KIAA1549: variants seen among roughly 807,000 people sequenced by gnomAD.
KIAA1549 encodes the protein UPF0606 protein KIAA1549.
KIAA1549 carries 70 observed loss-of-function variants against 156.4 expected under a neutral mutation model. The observed-to-expected ratio is 0.45, with a 90% CI of 0.37 to 0.55. The LOEUF is 0.55. Ranked by LOEUF, KIAA1549 falls within the 20% of genes least tolerant of loss-of-function variation. KIAA1549 has a pLI of 0.00. For synonymous variants in KIAA1549, 1,103 were observed against 1,066.4 expected (o/e 1.03, Z -0.67); for missense variants, 2,428 against 2,540.9 (o/e 0.96, Z 0.96).
At chr7:138,867,503 C>A (rs1810781725) in intron 15 of KIAA1549, among the ~76,000 whole-genome samples, 1 of 151,642 alleles carries the variant, frequency 6.6e-6, no homozygotes, top group Non-Finnish European at 1.5e-5. Context: ...TACAGTGAGC[C>A]TGGATCACAC....
In KIAA1549 at chr7:138,894,504, C is replaced by A; in HGVS notation, c.3870G>T (p.Pro1290=). 6.2e-7 allele frequency: 1 copy of A among 1,613,970 alleles called. No homozygotes were observed. The change falls in exon 10 of 20, where the codon CCG becomes CCT. Residue 1290 remains proline (P), a synonymous_variant. Coordinates refer to ENST00000422774, the MANE Select transcript of KIAA1549 (RefSeq NM_001164665.2). ...AGTTGTTGCTCTGGGATTCCGGAGA[C>A]GGCCTCTTCACCCTGTCGACAGCTG... ...IAQPVDRVKR[P]SPESQSNNLW...
At chr7:138,883,167 G>C (rs2130411234) in intron 10 of KIAA1549, among the ~76,000 whole-genome samples, 1 of 149,226 alleles carries the variant, frequency 6.7e-6, no homozygotes, top group East Asian at 2.0e-4. Flanking sequence ...CAGCTACTCG[G>C]GAGGGTGAGG....
At chr7:138,884,291 C>A (rs929645398) in intron 10 of KIAA1549, among the ~76,000 whole-genome samples, 2 of 151,780 alleles carry the variant, frequency 1.3e-5, no homozygotes, top group Non-Finnish European at 2.9e-5. Context: ...TGTGCGCTTG[C>A]GCTTTGAAAT....
chr7:138,930,852 A>G (rs371411217), intron 1 of KIAA1549, among the ~76,000 whole-genome samples: 10 of 152,170 alleles, frequency 6.6e-5, no homozygotes, highest in African/African-American at 2.2e-4. Context: ...ACAACTTGGC[A>G]ATCTATTTGT....
At position 138,909,129 on chromosome 7, in the gene KIAA1549, G is replaced by A. The variant is rs770610424; in HGVS notation, c.3146-8C>T. 1.9e-6 allele frequency: 3 copies of A among 1,610,328 alleles called. No individual in the cohort carries two copies. The highest frequency in any genetic ancestry group is 2.2e-5 in the South Asian group (2 of 90,512). On this transcript the variant is annotated splice_region_variant and splice_polypyrimidine_tract_variant and intron_variant, in intron 4 of 19. Coordinates refer to ENST00000422774, the MANE Select transcript of KIAA1549 (RefSeq NM_001164665.2). Reference sequence around the variant, plus strand: ...GAGGCACAAACTGAAGTACTGAAAAGAAAAGCAATCAAAGTCCCATAAATG... The same window carrying A: ...GAGGCACAAACTGAAGTACTGAAAAAAAAAGCAATCAAAGTCCCATAAATG...
chr7:138,863,409 C>A (rs890039396), intron 15 of KIAA1549, among the ~76,000 whole-genome samples: 1 of 152,016 alleles, frequency 6.6e-6, no homozygotes, highest in South Asian at 2.1e-4. Flanking sequence ...TAAACTTAGC[C>A]CCCTATCTGA....
At chr7:138,840,351 GA>G in intron 18 of KIAA1549, 73 bp from the exon 19 acceptor site, 2 of 1,374,564 alleles carry the variant, frequency 1.5e-6, no homozygotes, top group Non-Finnish European at 2.0e-6. Flanking sequence ...GGCTGCCGAG[GA>G]AGACACTGTC....
At chr7:138,861,523 T>C (rs2130367076) in intron 15 of KIAA1549, 67 bp from the exon 16 acceptor site, 1 of 1,281,096 alleles carries the variant, frequency 7.8e-7, no homozygotes, top group Non-Finnish European at 1.1e-6. Flanking sequence ...ACAGTTTTCC[T>C]GACATTGAGG....
chr7:138,848,382 T>G (rs1361740178), intron 17 of KIAA1549, among the ~76,000 whole-genome samples: 2 of 152,230 alleles, frequency 1.3e-5, no homozygotes, highest in African/African-American at 4.8e-5. Context: ...TTTACCATGA[T>G]GGGATGTTGA....
intron 1 of KIAA1549, among the ~76,000 whole-genome samples, chr7:138,957,306 C>G (rs1219963469): frequency 1.3e-5 from 2 of 152,068 alleles, no homozygotes; most frequent in African/African-American, 4.8e-5. Context: ...ACCACATGGT[C>G]CTAATCAAGT....
At chr7:138,936,943 C>T (rs1346770262) in intron 1 of KIAA1549, among the ~76,000 whole-genome samples, 1 of 152,068 alleles carries the variant, frequency 6.6e-6, no homozygotes, top group African/African-American at 2.4e-5. Context: ...AGTTTTCTAA[C>T]GTGCAGAGCT....
At chr7:138,911,458 AT>A in intron 3 of KIAA1549, 135 bp from the exon 4 acceptor site, 1 of 671,264 alleles carries the variant, frequency 1.5e-6, no homozygotes, top group Non-Finnish European at 2.5e-6. Flanking sequence ...TCAAAATTTT[AT>A]TTTAGTTACT....
chr7:138,896,293 A>G (rs1465882282), intron 9 of KIAA1549, among the ~76,000 whole-genome samples: 1 of 152,202 alleles, frequency 6.6e-6, no homozygotes, highest in African/African-American at 2.4e-5. Context: ...GTAATAACAA[A>G]AAGGGTTCTT....
intron 1 of KIAA1549, among the ~76,000 whole-genome samples, chr7:138,946,820 C>T (rs1053514542): frequency 8.5e-5 from 13 of 152,158 alleles, no homozygotes; most frequent in African/African-American, 3.1e-4. Flanking sequence ...TCTGTAATGC[C>T]TTTCCCCAAA....
intron 10 of KIAA1549, among the ~76,000 whole-genome samples, chr7:138,884,933 C>T (rs145448918): frequency 7.4e-4 from 112 of 152,358 alleles, no homozygotes; most frequent in African/African-American, 1.9e-3. Context: ...CAGTGGCTTA[C>T]GCCTGTAATC....
At chr7:138,942,648 C>A (rs1351938583) in intron 1 of KIAA1549, among the ~76,000 whole-genome samples, 1 of 152,158 alleles carries the variant, frequency 6.6e-6, no homozygotes, top group East Asian at 1.9e-4. Flanking sequence ...CGGTGACTCA[C>A]GCCTGTAATC....
At chr7:138,876,104 C>T (rs749757436) in intron 12 of KIAA1549, among the ~76,000 whole-genome samples, 28 of 152,272 alleles carry the variant, frequency 1.8e-4, no homozygotes, top group Non-Finnish European at 1.6e-4. Context: ...TTGTATATCA[C>T]CAGCACCTGA....
chr7:138,901,437 T>C (rs1214182235), intron 8 of KIAA1549, among the ~76,000 whole-genome samples: 1 of 151,890 alleles, frequency 6.6e-6, no homozygotes, highest in Non-Finnish European at 1.5e-5. Context: ...GTGATTCTCA[T>C]GCCTCAGCCT....
At chr7:138,839,859 C>T (rs1480016411) in intron 19 of KIAA1549, among the ~76,000 whole-genome samples, 1 of 132,548 alleles carries the variant, frequency 7.5e-6, no homozygotes, top group East Asian at 2.5e-4. Context: ...ACGATCTCGG[C>T]TTAGTGCAAC....
Sources: allele counts gnomAD v4.1 joint callset (sites outside exome capture counted in the v4.1 genomes callset), GRCh38; gene constraint gnomAD v4.1.1; transcripts MANE v1.5; gene names NCBI Gene and HGNC (gene_info 2026-07-23, HGNC 2026-07-21).